Variants in SLTM observed in about 807,000 individuals in gnomAD.
SLTM encodes SAFB-like transcription modulator.
In SLTM, 43 loss-of-function variants were observed where a neutral mutation model predicts 134.6. The observed-to-expected ratio is 0.32, with a 90% CI of 0.25 to 0.41. The LOEUF is 0.41. SLTM is among the 10% of genes least tolerant of loss of function. The probability of loss-of-function intolerance (pLI) is 1.00; values close to 1 mark genes in which losing one functional copy is unlikely to be tolerated. For missense variants in SLTM, 1,055 were observed against 1,288.8 expected (o/e 0.82, Z 2.78); for synonymous variants, 424 against 432.3 (o/e 0.98, Z 0.24).
chr15:58,893,396 T>A, intron 12 of SLTM, 32 bp from the exon 13 acceptor site: 3 of 1,482,082 alleles, frequency 2.0e-6, no homozygotes, highest in Non-Finnish European at 2.8e-6. Context: ...AAACAATGTC[T>A]AAAATTTTTC....
chr15:58,915,498 A>G (rs1595910775), intron 3 of SLTM, among the ~76,000 whole-genome samples: 2 of 152,332 alleles, frequency 1.3e-5, no homozygotes, highest in East Asian at 3.9e-4. Context: ...TTACTGGTGA[A>G]GACAACTGGA....
In SLTM at chr15:58,879,890, AG is replaced by A; in HGVS notation, c.*108del. The A allele has an allele frequency of 7.7e-7, 1 of 1,306,220 alleles. No individual in the cohort carries two copies. 80.9% of individuals were successfully genotyped at this position (1,306,220 alleles called of 1,614,324 possible). On this transcript the variant is annotated 3_prime_UTR_variant, in exon 21 of 21. Coordinates refer to ENST00000380516, the MANE Select transcript of SLTM (RefSeq NM_024755.4). Reference sequence around the variant, plus strand: ...ATCATGTTAAATTTTTAAAAAGAAAAGTCTGACAGAACTCTCAAGCAAGTCA... The same window carrying A: ...ATCATGTTAAATTTTTAAAAAGAAAATCTGACAGAACTCTCAAGCAAGTCA...
intron 3 of SLTM, 74 bp downstream of exon 3, chr15:58,916,860 CA>C (rs1300526266): frequency 2.5e-5 from 34 of 1,358,558 alleles, no homozygotes; most frequent in Middle Eastern, 1.9e-4. Flanking sequence ...CATTGTTCAA[CA>C]AAAAGCACAA....
In SLTM at chr15:58,933,582, G is replaced by C; in HGVS notation, c.-17C>G. The stretch of plus-strand genomic sequence containing the variant: ...GGCAGCCATCTTAGAAGAGCAGCGC[G>C]CTGCCGAGGCAGCGAGTGGGCTGCA... On this transcript the variant is annotated 5_prime_UTR_variant, in exon 1 of 21. Coordinates refer to ENST00000380516, the MANE Select transcript of SLTM (RefSeq NM_024755.4). 1 of 1,564,094 alleles carries C rather than the reference G, an allele frequency of 6.4e-7. No individual in the cohort carries two copies. The highest frequency in any genetic ancestry group is 2.5e-5 in the East Asian group (1 of 39,498).
chr15:58,893,358 T>C lies in SLTM; in HGVS notation c.1655A>G (p.Lys552Arg). 3.8e-6 allele frequency: 6 copies of C among 1,595,818 alleles called. No homozygotes were observed. Among genetic ancestry groups the C allele is most frequent in the Non-Finnish European group, 5.1e-6 (6 of 1,174,322 alleles). ...KSEEKKRISS[K>R]SPGHMVILDQ... ...TAGTATTACCATATGTCCTGGACTC[T>C]TGGAACCTAAGGGAAAAAAATTATA... is the stretch of plus-strand genomic sequence containing the variant. The change falls in exon 13 of 21, where the codon AAG becomes AGG. Residue 552 changes from lysine to arginine, a missense_variant. Coordinates refer to ENST00000380516, the MANE Select transcript of SLTM (RefSeq NM_024755.4).
chr15:58,886,741 T>C (rs187207642), intron 19 of SLTM, among the ~76,000 whole-genome samples: 1 of 152,308 alleles, frequency 6.6e-6, no homozygotes, highest in Admixed American at 6.5e-5. Context: ...TTAATCGAAA[T>C]GGAGTATTTC....
At chr15:58,915,159 C>G (rs1259322933) in intron 3 of SLTM, among the ~76,000 whole-genome samples, 4 of 152,032 alleles carry the variant, frequency 2.6e-5, no homozygotes, top group African/African-American at 4.8e-5. Flanking sequence ...CCACTGCACT[C>G]CAGCCTGGGC....
chr15:58,914,372 A>G (rs1423283885), intron 3 of SLTM, among the ~76,000 whole-genome samples: 1 of 152,230 alleles, frequency 6.6e-6, no homozygotes, highest in Admixed American at 6.5e-5. Context: ...TCTTACGGTA[A>G]ATCCAGCAGA....
chr15:58,884,578 A>C (rs1338408637), intron 19 of SLTM, among the ~76,000 whole-genome samples: 1 of 152,028 alleles, frequency 6.6e-6, no homozygotes, highest in Non-Finnish European at 1.5e-5. Flanking sequence ...AGGCCTCCCA[A>C]AGTGCTGGGA....
At chr15:58,897,318 A>T (rs966818389) in intron 8 of SLTM, 85 bp from the exon 9 acceptor site, 1 of 743,116 alleles carries the variant, frequency 1.3e-6, no homozygotes, top group Non-Finnish European at 2.3e-6. Flanking sequence ...TTTCAAAACT[A>T]TAATTTTGAT....
intron 8 of SLTM, chr15:58,897,669 A>C (rs2035191334): frequency 6.5e-6 from 1 of 152,798 alleles, no homozygotes; most frequent in South Asian, 2.1e-4. Flanking sequence ...TCAAGAATTT[A>C]TATGATTAAT....
At chr15:58,907,738 T>G (rs17302045) in intron 5 of SLTM, among the ~76,000 whole-genome samples, 109,320 of 152,038 alleles carry the variant, frequency 0.72, 40,443 homozygotes, top group Middle Eastern at 0.85. Context: ...TACAAATGAC[T>G]ACTAATTGCA....
rs2034409568 is a variant in SLTM, at chr15:58,888,555, C to A, written c.2205G>T (p.Arg735Ser). 1 of 1,610,434 alleles carries A rather than the reference C, an allele frequency of 6.2e-7. No homozygotes were observed. Among genetic ancestry groups the A allele is most frequent in the Admixed American group, 1.7e-5 (1 of 58,816 alleles). ...TCTCGCTCCAGTAAGGATCATCTCG[C>A]CTTGAAGAGAAATATTTGCTTATTT... The part of the protein sequence containing the change: ...SLKRPRDVDH[R>S]RDDPYWSENK... The change falls in exon 17 of 21, where the codon AGG (arginine) becomes AGT (serine). Residue 735 changes from arginine to serine, a missense_variant and splice_region_variant. Coordinates refer to ENST00000380516, the MANE Select transcript of SLTM (RefSeq NM_024755.4).
At chr15:58,923,562 C>T (rs57194530) in intron 2 of SLTM, among the ~76,000 whole-genome samples, 3,520 of 152,156 alleles carry the variant, frequency 0.023, 131 homozygotes, top group African/African-American at 0.081. Flanking sequence ...TTTTAAAGAC[C>T]AAATCACCCT....
chr15:58,930,731 T>C (rs2037817584), intron 2 of SLTM, among the ~76,000 whole-genome samples: 1 of 148,294 alleles, frequency 6.7e-6, no homozygotes, highest in Non-Finnish European at 1.5e-5. Flanking sequence ...ATATATCATA[T>C]ATGATATATA....
At chr15:58,883,261 G>C (rs1203534877) in intron 20 of SLTM, among the ~76,000 whole-genome samples, 1 of 152,218 alleles carries the variant, frequency 6.6e-6, no homozygotes. Context: ...GTTGCAGTGA[G>C]CCAAGACCTC....
At chr15:58,908,002 CGTGTGTGTGTGT>C (rs140029214) in intron 5 of SLTM, among the ~76,000 whole-genome samples, 2 of 139,868 alleles carry the variant, frequency 1.4e-5, no homozygotes, top group Non-Finnish European at 3.0e-5. Flanking sequence ...AAACATGCTG[CGTGTGTGTGTGT>C]GTGTGTGTGT....
chr15:58,898,725 A>G (rs1277951389), intron 8 of SLTM, 78 bp downstream of exon 8: 2 of 1,112,328 alleles, frequency 1.8e-6, no homozygotes, highest in Non-Finnish European at 2.7e-6. Flanking sequence ...ATGTCAAAGA[A>G]AACACCGCGC....
rs769296071 is a variant in SLTM at position 58,901,229 on chromosome 15, A to G, written c.589+31T>C. The G allele has an allele frequency of 3.2e-6, 5 of 1,562,204 alleles. No homozygotes were observed. In the South Asian group the frequency reaches 4.8e-5, roughly 15 times the overall value. On this transcript the variant is annotated intron_variant, in intron 6 of 20. Transcript: ENST00000380516. ...ATAATTTACTGTTTTTCTAAATTTT[A>G]GCAATTTTTAAGCTCTAGCATCAAA...
Sources: gnomAD v4.1 joint callset for allele counts (sites outside exome capture counted in the v4.1 genomes callset) on GRCh38, gnomAD v4.1.1 for gene constraint, MANE v1.5 for transcripts, NCBI Gene and HGNC (gene_info 2026-07-23, HGNC 2026-07-21) for gene names.